The following MEI4 variants were observed in gnomAD, a reference collection of about 807,000 sequenced individuals.
MEI4 encodes the protein meiosis-specific protein MEI4.
A neutral mutation model predicts 31.4 loss-of-function variants in MEI4; 27 were observed. The ratio of observed to expected loss-of-function variants is 0.86; its 90% CI spans 0.63 to 1.19. The LOEUF (loss-of-function observed/expected upper bound fraction) is 1.19, where lower values mean the gene tolerates loss of function less well. Ranked by LOEUF, MEI4 falls within the 50% of genes most tolerant of loss-of-function variation. The pLI, the probability that MEI4 is intolerant of heterozygous loss-of-function variation, is 0.00. For synonymous variants in MEI4, 122 were observed against 145.4 expected (o/e 0.84, Z 1.16); for missense variants, 329 against 398.9 (o/e 0.82, Z 1.49).
At chr6:77,723,258 T>G (rs1766754470) in intron 2 of MEI4, among the ~76,000 whole-genome samples, 2 of 141,776 alleles carry the variant, frequency 1.4e-5, no homozygotes, top group African/African-American at 5.2e-5. Context: ...GTATAGTACA[T>G]AAATCTACTG....
intron 4 of MEI4, among the ~76,000 whole-genome samples, chr6:77,888,540 T>C (rs1370291130): frequency 6.6e-6 from 1 of 152,228 alleles, no homozygotes; most frequent in Non-Finnish European, 1.5e-5. Flanking sequence ...CTACTGGTGA[T>C]GAATTCCCTC....
At chr6:77,850,254 A>G (rs1770584000) in intron 4 of MEI4, among the ~76,000 whole-genome samples, 1 of 152,164 alleles carries the variant, frequency 6.6e-6, no homozygotes, top group Admixed American at 6.5e-5. Flanking sequence ...CAAGCTACCA[A>G]TGACTTTCTT....
At chr6:77,751,769 G>GGCCA (rs1260553460) in intron 2 of MEI4, among the ~76,000 whole-genome samples, 1 of 152,086 alleles carries the variant, frequency 6.6e-6, no homozygotes, top group African/African-American at 2.4e-5. Flanking sequence ...CATTTTATGA[G>GGCCA]GCCAGCATCA....
chr6:77,776,463 G>A (rs1053994240), intron 3 of MEI4, among the ~76,000 whole-genome samples: 1 of 152,020 alleles, frequency 6.6e-6, no homozygotes, highest in African/African-American at 2.4e-5. Flanking sequence ...AGTCCGGTGA[G>A]GCCCCAGAAA....
chr6:77,657,281 A>G (rs1768414159), intron 1 of MEI4, among the ~76,000 whole-genome samples: 1 of 152,214 alleles, frequency 6.6e-6, no homozygotes, highest in South Asian at 2.1e-4. Flanking sequence ...AGAATAGTTC[A>G]AGTGGGCTGA....
intron 3 of MEI4, among the ~76,000 whole-genome samples, chr6:77,788,641 C>A (rs1430374818): frequency 2.0e-5 from 3 of 152,018 alleles, no homozygotes; most frequent in Non-Finnish European, 4.4e-5. Context: ...CATGAGTGAA[C>A]TCCCATTCAC....
intron 4 of MEI4, among the ~76,000 whole-genome samples, chr6:77,856,774 C>CTACCTAA (rs1562013936): frequency 6.6e-6 from 1 of 151,972 alleles, no homozygotes; most frequent in African/African-American, 2.4e-5. Context: ...TCTTATCCAC[C>CTACCTAA]GACCTAAGCA....
chr6:77,697,425 C>T (rs1395938022), intron 2 of MEI4, among the ~76,000 whole-genome samples: 2 of 152,168 alleles, frequency 1.3e-5, no homozygotes, highest in Non-Finnish European at 2.9e-5. Flanking sequence ...TTTCCCTCTA[C>T]ACACTGCTTT....
At chr6:77,759,838 G>C (rs921870825) in intron 2 of MEI4, among the ~76,000 whole-genome samples, 1 of 152,046 alleles carries the variant, frequency 6.6e-6, no homozygotes, top group Non-Finnish European at 1.5e-5. Context: ...CCTTCCTATA[G>C]CCAATAGAAT....
chr6:77,751,865 C>A (rs1767784341), intron 2 of MEI4, among the ~76,000 whole-genome samples: 1 of 152,142 alleles, frequency 6.6e-6, no homozygotes. Flanking sequence ...CGAAAATCCT[C>A]AATAAAATAC....
chr6:77,791,631 T>G (rs928518881), intron 3 of MEI4, among the ~76,000 whole-genome samples: 1 of 149,646 alleles, frequency 6.7e-6, no homozygotes, highest in Non-Finnish European at 1.5e-5. Context: ...TGTATACATA[T>G]GTAACTAACC....
At chr6:77,774,745 C>T (rs1012846959) in intron 3 of MEI4, among the ~76,000 whole-genome samples, 3 of 151,968 alleles carry the variant, frequency 2.0e-5, no homozygotes, top group East Asian at 1.9e-4. Context: ...TAGAGAGCTG[C>T]AGCTCTCTAC....
At chr6:77,651,883 T>A (rs535579999), upstream of MEI4, among the ~76,000 whole-genome samples, 1 of 152,336 alleles carries the variant, frequency 6.6e-6, no homozygotes, top group Admixed American at 6.5e-5. Context: ...GTATTTGGAA[T>A]CAGCTTTGCA....
At chr6:77,741,464 T>TA (rs1267912490) in intron 2 of MEI4, among the ~76,000 whole-genome samples, 1 of 151,962 alleles carries the variant, frequency 6.6e-6, no homozygotes, top group African/African-American at 2.4e-5. Flanking sequence ...TGGTAATCAG[T>TA]TCAAGAGATC....
At chr6:77,862,335 G>C (rs1365168430) in intron 4 of MEI4, among the ~76,000 whole-genome samples, 1 of 152,182 alleles carries the variant, frequency 6.6e-6, no homozygotes, top group African/African-American at 2.4e-5. Flanking sequence ...TCAAAGAAAT[G>C]AGTGACAGAC....
chr6:77,788,378 A>G (rs1007010723), intron 3 of MEI4, among the ~76,000 whole-genome samples: 4 of 152,216 alleles, frequency 2.6e-5, no homozygotes, highest in Non-Finnish European at 5.9e-5. Flanking sequence ...CTCCTATTCA[A>G]CATAGTGTTG....
intron 3 of MEI4, among the ~76,000 whole-genome samples, chr6:77,763,642 G>GTT (rs1013352235): frequency 3.9e-5 from 6 of 152,056 alleles, no homozygotes; most frequent in Non-Finnish European, 8.8e-5. Flanking sequence ...GAAAACTCAA[G>GTT]TTTTCATTTC....
At chr6:77,801,460 T>C (rs1311021191) in intron 3 of MEI4, among the ~76,000 whole-genome samples, 1 of 152,228 alleles carries the variant, frequency 6.6e-6, no homozygotes, top group East Asian at 1.9e-4. Context: ...ATTGATTTTT[T>C]GAAGGGTTTT....
intron 4 of MEI4, among the ~76,000 whole-genome samples, chr6:77,868,201 T>C (rs1771097493): frequency 6.7e-6 from 1 of 148,176 alleles, no homozygotes; most frequent in African/African-American, 2.5e-5. Context: ...ACATGTACCC[T>C]TAAAGCATAA....
Sources: allele counts gnomAD v4.1 joint callset (sites outside exome capture counted in the v4.1 genomes callset), GRCh38; gene constraint gnomAD v4.1.1; transcripts MANE v1.5; gene names NCBI Gene and HGNC (gene_info 2026-07-23, HGNC 2026-07-21).